The following PPP2R1B variants were observed in gnomAD, a reference collection of about 807,000 sequenced individuals.
PPP2R1B encodes serine/threonine-protein phosphatase 2A 65 kDa regulatory subunit A beta isoform.
In PPP2R1B, 58 loss-of-function variants were observed where a neutral mutation model predicts 72.7. The ratio of observed to expected loss-of-function variants is 0.80; its 90% CI spans 0.65 to 0.99. The LOEUF (loss-of-function observed/expected upper bound fraction) is 0.99. Ranked by LOEUF, PPP2R1B falls within the 50% of genes least tolerant of loss-of-function variation. PPP2R1B has a pLI of 0.00. For missense variants in PPP2R1B, 695 were observed against 733.6 expected (o/e 0.95, Z 0.61); for synonymous variants, 256 against 264.6 (o/e 0.97, Z 0.32).
intron 13 of PPP2R1B, 84 bp from the exon 14 acceptor site, chr11:111,742,228 T>C: frequency 9.5e-7 from 1 of 1,047,868 alleles, no homozygotes; most frequent in Non-Finnish European, 1.4e-6. Flanking sequence ...ATGGTAATTG[T>C]TAAAATTTAA....
the PPP2R1B span, among the ~76,000 whole-genome samples, chr11:111,715,488 C>T: frequency 1.4e-3 from 211 of 152,358 alleles, 1 homozygote; most frequent in African/African-American, 4.6e-3. Context: ...AAAGAGACTT[C>T]AGCTCTCCTT....
downstream of PPP2R1B, chr11:111,737,655 C>T (rs1039814508): frequency 2.2e-5 from 35 of 1,588,628 alleles, no homozygotes; most frequent in Non-Finnish European, 3.0e-5. Context: ...GCCAGGATGC[C>T]CTCAGTTGTG....
the PPP2R1B span, among the ~76,000 whole-genome samples, chr11:111,718,440 AAAGG>A: frequency 6.6e-6 from 1 of 152,184 alleles, no homozygotes; most frequent in East Asian, 1.9e-4. Context: ...GCCAGTGTGG[AAAGG>A]AAGCATTTAC....
At chr11:111,710,833 T>C in the PPP2R1B span, among the ~76,000 whole-genome samples, 1 of 152,220 alleles carries the variant, frequency 6.6e-6, no homozygotes, top group Non-Finnish European at 1.5e-5. Context: ...GAGGAGAAGC[T>C]AGAATCTCAT....
intron 9 of PPP2R1B, among the ~76,000 whole-genome samples, chr11:111,752,790 CG>C (rs1555048367): frequency 1.3e-5 from 2 of 152,064 alleles, no homozygotes. Context: ...AGTGAAACCC[CG>C]TCTCTACTAA....
chr11:111,732,839 A>G (rs1172126964), intron 15 of PPP2R1B, among the ~76,000 whole-genome samples: 2 of 152,142 alleles, frequency 1.3e-5, no homozygotes, highest in East Asian at 3.9e-4. Flanking sequence ...GGCTTTGTGC[A>G]CTAAATCCTG....
Position 111,759,900 on chromosome 11 carries a change from A to G in PPP2R1B, c.591T>C (p.Ala197=). ...SDDTPMVRRA[A]ASKLGEFAKV... is the part of the protein sequence containing the mutation. The stretch of plus-strand genomic sequence containing the variant: ...TTGCAAATTCACCCAATTTGGAAGC[A>G]GCAGCACGTCGTACCATTGGTGTGT... Residue 197 remains alanine (A), a synonymous_variant, in exon 5 of 15, where the codon GCT becomes GCC. Transcript: ENST00000527614. 6.2e-7 allele frequency: 1 copy of G among 1,614,194 alleles called. No homozygotes were observed. Among genetic ancestry groups the G allele is most frequent in the Non-Finnish European group, 8.5e-7 (1 of 1,180,008 alleles).
chr11:111,713,473 A>G, the PPP2R1B span, among the ~76,000 whole-genome samples: 9 of 152,176 alleles, frequency 5.9e-5, no homozygotes, highest in African/African-American at 2.2e-4. Context: ...TGAGACTATT[A>G]TGAGGATTAA....
Position 111,738,119 on chromosome 11 carries a change from A to T in PPP2R1B, c.*3477T>A, listed in dbSNP as rs1944393397. On this transcript the variant is annotated 3_prime_UTR_variant, in exon 15 of 15. Coordinates refer to ENST00000527614, the MANE Select transcript of PPP2R1B (RefSeq NM_002716.5). ...AGGAAAGAGGAGAGTAAGGAACTGG[A>T]TGGAAACAGGAATACTGGAGAATCA... 7 of 988,314 alleles carry T rather than the reference A, an allele frequency of 7.1e-6. No individual in the cohort carries two copies. The highest frequency in any genetic ancestry group is 8.4e-6 in the Non-Finnish European group (7 of 831,388). 61.2% of individuals were successfully genotyped at this position (988,314 alleles called of 1,614,324 possible). A position where few individuals can be genotyped will look rare whatever the true frequency, so the allele number is the denominator to read the frequency against.
At chr11:111,723,791 C>T, downstream of PPP2R1B, 1 of 1,613,946 alleles carries the variant, frequency 6.2e-7, no homozygotes, top group African/African-American at 1.3e-5. Flanking sequence ...TCCTCCTCTG[C>T]CCACGCAGCT....
intron 11 of PPP2R1B, among the ~76,000 whole-genome samples, chr11:111,746,276 C>T (rs1364461816): frequency 6.6e-6 from 1 of 151,714 alleles, no homozygotes; most frequent in Non-Finnish European, 1.5e-5. Context: ...ATATACACCA[C>T]GGAATACTAT....
At chr11:111,764,157 C>T (rs886610294) in intron 3 of PPP2R1B, among the ~76,000 whole-genome samples, 4 of 151,740 alleles carry the variant, frequency 2.6e-5, no homozygotes, top group South Asian at 4.1e-4. Flanking sequence ...TACGACTGCA[C>T]GGTAATTATT....
rs1214181615 is a variant in PPP2R1B at position 111,738,325 on chromosome 11, G to A, written c.*3271C>T. On this transcript the variant is annotated 3_prime_UTR_variant, in exon 15 of 15. Coordinates refer to ENST00000527614, the MANE Select transcript of PPP2R1B (RefSeq NM_002716.5). The stretch of plus-strand genomic sequence containing the variant: ...AGAGGAATTTAAGTAAAAGGCAAGA[G>A]GACAGAACAAGCACCTGACCTGTTT... The A allele has an allele frequency of 2.0e-6, 2 of 985,410 alleles. No homozygotes were observed. The highest frequency in any genetic ancestry group is 2.4e-6 in the Non-Finnish European group (2 of 830,012). The allele number at this position is 985,410 out of a possible 1,614,324, so 61.0% of individuals were successfully genotyped here.
chr11:111,688,778 T>A, the PPP2R1B span, among the ~76,000 whole-genome samples: 1 of 152,218 alleles, frequency 6.6e-6, no homozygotes, highest in East Asian at 1.9e-4. This position sits in a 1 kb window ranked among gnomAD's most constrained non-coding sequence, Gnocchi z 4.2. Context: ...TCAATAAATA[T>A]GTATCAGGTA....
At chr11:111,746,126 T>G (rs534925698) in intron 11 of PPP2R1B, among the ~76,000 whole-genome samples, 2 of 152,368 alleles carry the variant, frequency 1.3e-5, no homozygotes, top group Admixed American at 1.3e-4. Flanking sequence ...TAATTCTTTG[T>G]GGAATATTAG....
rs782616569 is a variant in PPP2R1B, at chr11:111,755,025, C to A, written c.913G>T (p.Asp305Tyr). Residue 305 changes from aspartate (D) to tyrosine (Y), a missense_variant, in exon 7 of 15, where the codon GAC becomes TAC. Physicochemically the swap from Asp to Tyr is radical, Grantham distance 160. Coordinates refer to ENST00000527614, the MANE Select transcript of PPP2R1B (RefSeq NM_002716.5). ...LIPAFQNLLK[D>Y]CEAEVRAAAA... ...GCTGCCCGGACTTCAGCTTCACAGTCTTTAAGTAGGTTCTGAAAGGCGGGG... is the reference window on the plus strand; with the variant it reads ...GCTGCCCGGACTTCAGCTTCACAGTATTTAAGTAGGTTCTGAAAGGCGGGG... 6.2e-7 allele frequency: 1 copy of A among 1,613,972 alleles called. No homozygotes were observed. Among genetic ancestry groups the A allele is most frequent in the African/African-American group, 1.3e-5 (1 of 74,918 alleles).
intron 10 of PPP2R1B, among the ~76,000 whole-genome samples, chr11:111,751,303 T>C (rs1234599292): frequency 1.3e-5 from 2 of 152,146 alleles, no homozygotes; most frequent in Non-Finnish European, 2.9e-5. Context: ...CCTTTTCTTC[T>C]CAGTTAAACA....
In PPP2R1B at chr11:111,766,036, G is replaced by T. The variant is rs1176059615; in HGVS notation, c.114+212C>A. 1.0e-5 allele frequency: 6 copies of T among 600,386 alleles called. No individual in the cohort carries two copies. In the East Asian group the frequency reaches 1.5e-4, roughly 15 times the overall value. 37.2% of individuals were successfully genotyped at this position (600,386 alleles called of 1,614,324 possible). On this transcript the variant is annotated intron_variant, in intron 1 of 14. Coordinates refer to ENST00000527614, the MANE Select transcript of PPP2R1B (RefSeq NM_002716.5). ...AAGGCTCCGGGCGGACGCCTCAGGGGGTCCGAAGCAAGGTTACTAGAGAGG... is the reference window on the plus strand; with the variant it reads ...AAGGCTCCGGGCGGACGCCTCAGGGTGTCCGAAGCAAGGTTACTAGAGAGG...
rs782061143 is a variant in PPP2R1B at position 111,754,564 on chromosome 11, CA to C, written c.963del (p.Gly322ValfsTer12). 6.2e-7 allele frequency: 1 copy of C among 1,600,898 alleles called. No homozygotes were observed. The highest frequency in any genetic ancestry group is 8.5e-7 in the Non-Finnish European group (1 of 1,176,766). On this transcript the variant is annotated frameshift_variant, in exon 8 of 15. Transcript: ENST00000527614. LOFTEE classifies it high-confidence loss of function. ...RAAAAHKVKE[L>X]GENLPIEDRE... Reference sequence around the variant, plus strand: ...CTATCTTCAATGGGCAAGTTCTCACCAAGTTCTAAAAGATAAATAGAAAAAA... The same window carrying C: ...CTATCTTCAATGGGCAAGTTCTCACCAGTTCTAAAAGATAAATAGAAAAAA...
Sources: allele counts gnomAD v4.1 joint callset (sites outside exome capture counted in the v4.1 genomes callset), GRCh38; gene constraint gnomAD v4.1.1; non-coding constraint Gnocchi (gnomAD v3.1); transcripts MANE v1.5; gene names NCBI Gene and HGNC (gene_info 2026-07-23, HGNC 2026-07-21).